The following ZPBP variants were observed in gnomAD, a reference collection of about 807,000 sequenced individuals.
ZPBP encodes zona pellucida-binding protein 1.
ZPBP carries 26 observed loss-of-function variants against 44.8 expected under a neutral mutation model. That is an observed-to-expected ratio of 0.58 (90% CI 0.43 to 0.81). The LOEUF is 0.81. ZPBP is among the 30% of genes least tolerant of loss of function. ZPBP has a pLI of 0.00. For missense variants in ZPBP, 409 were observed against 434.0 expected, an observed-to-expected ratio of 0.94 and a Z score of 0.51; for synonymous variants, 174 against 153.2, an observed-to-expected ratio of 1.14 and a Z score of -1.00.
Position 50,093,235 on chromosome 7 carries a change from T to G in ZPBP, c.-41A>C. ...GCCTGCCCACCGTCCGCGCGGAAGG[T>G]CGTTAGGCAACGCGCGCCCACCTGC... On this transcript the variant is annotated 5_prime_UTR_variant, in exon 1 of 8. Transcript: ENST00000046087. 1 of 1,486,500 alleles carries G rather than the reference T, an allele frequency of 6.7e-7. No individual in the cohort carries two copies. The highest frequency in any genetic ancestry group is 1.3e-5 in the South Asian group (1 of 76,764). 92.1% of individuals were successfully genotyped at this position (1,486,500 alleles called of 1,614,324 possible).
intron 7 of ZPBP, among the ~76,000 whole-genome samples, chr7:49,974,029 A>G (rs1275826302): frequency 6.6e-6 from 1 of 152,212 alleles, no homozygotes; most frequent in African/African-American, 2.4e-5. Context: ...TAACTAAAAT[A>G]AGCCAGACAC....
chr7:50,024,735 T>C (rs1799247026), intron 5 of ZPBP, among the ~76,000 whole-genome samples: 1 of 151,852 alleles, frequency 6.6e-6, no homozygotes, highest in African/African-American at 2.4e-5. Context: ...GATGAATAAA[T>C]CTAGAGATCT....
intron 4 of ZPBP, among the ~76,000 whole-genome samples, chr7:50,038,360 C>T (rs533005542): frequency 1.1e-4 from 16 of 152,316 alleles, no homozygotes; most frequent in Middle Eastern, 3.4e-3. Context: ...AGCTAAACTA[C>T]AAGTTGGCCA....
At chr7:50,081,726 C>A in intron 3 of ZPBP, 48 bp downstream of exon 3, 1 of 1,600,002 alleles carries the variant, frequency 6.2e-7, no homozygotes, top group South Asian at 1.1e-5. Context: ...GTGTTGCACA[C>A]AATTCAGATA....
intron 1 of ZPBP, among the ~76,000 whole-genome samples, chr7:49,907,041 G>A (rs141141480): frequency 1.7e-3 from 256 of 152,288 alleles, no homozygotes; most frequent in Non-Finnish European, 1.7e-3. Flanking sequence ...GGCACACAGT[G>A]GAGCCATAAA....
At chr7:49,917,806 A>G (rs1430636550) in intron 1 of ZPBP, 1 of 151,296 alleles carries the variant, frequency 6.6e-6, no homozygotes, top group Non-Finnish European at 1.5e-5. Flanking sequence ...TCTGTAATTT[A>G]TGTTTTAGAA....
chr7:49,990,558 G>C (rs1019200101), intron 6 of ZPBP, among the ~76,000 whole-genome samples: 3 of 151,758 alleles, frequency 2.0e-5, no homozygotes, highest in Middle Eastern at 3.2e-3. Context: ...TGCAACCCTG[G>C]GACTCCTTTG....
At chr7:49,851,324 T>G (rs529885441) in intron 2 of ZPBP, among the ~76,000 whole-genome samples, 1 of 152,298 alleles carries the variant, frequency 6.6e-6, no homozygotes, top group African/African-American at 2.4e-5. Flanking sequence ...CTTTTCCAAA[T>G]AAGGCCTCAT....
chr7:50,073,914 C>T (rs1186235701), intron 3 of ZPBP, among the ~76,000 whole-genome samples: 5 of 151,940 alleles, frequency 3.3e-5, no homozygotes, highest in African/African-American at 4.8e-5. Context: ...GGGAGTACTT[C>T]AGTTAGAAAG....
At chr7:49,950,700 T>C (rs1431103552) in intron 7 of ZPBP, among the ~76,000 whole-genome samples, 2 of 151,736 alleles carry the variant, frequency 1.3e-5, no homozygotes, top group East Asian at 3.8e-4. Flanking sequence ...TATGAAATTA[T>C]TGAAATAAAA....
At chr7:49,909,736 T>G (rs1047022978) in intron 1 of ZPBP, among the ~76,000 whole-genome samples, 1 of 152,036 alleles carries the variant, frequency 6.6e-6, no homozygotes, top group Admixed American at 6.6e-5. Context: ...GATGAATGAT[T>G]GTTGGGTTCT....
intron 2 of ZPBP, among the ~76,000 whole-genome samples, chr7:49,871,874 TATA>T (rs148747347): frequency 0.028 from 4,076 of 148,102 alleles, 171 homozygotes; most frequent in South Asian, 0.12. Context: ...TATGTGCATA[TATA>T]ATGTTTTTTG....
At chr7:49,966,823 T>C (rs1355433813) in intron 7 of ZPBP, among the ~76,000 whole-genome samples, 1 of 151,970 alleles carries the variant, frequency 6.6e-6, no homozygotes, top group Non-Finnish European at 1.5e-5. Context: ...ACAATAGAAA[T>C]GGGGTTATGT....
intron 6 of ZPBP, among the ~76,000 whole-genome samples, chr7:49,990,265 C>T (rs1326650437): frequency 6.6e-6 from 1 of 152,194 alleles, no homozygotes; most frequent in Non-Finnish European, 1.5e-5. Flanking sequence ...CTACTGACAG[C>T]AGAGGGGATA....
chr7:50,068,672 C>T (rs1157595018), intron 3 of ZPBP, among the ~76,000 whole-genome samples: 3 of 152,134 alleles, frequency 2.0e-5, no homozygotes, highest in Admixed American at 6.5e-5. Context: ...CTTCTGATCT[C>T]GGTTAATTTA....
chr7:49,981,537 T>TAA (rs1197244023), intron 7 of ZPBP, among the ~76,000 whole-genome samples: 4 of 90,438 alleles, frequency 4.4e-5, no homozygotes, highest in African/African-American at 1.3e-4. Context: ...TATATTATAA[T>TAA]TTTATATAAT....
intron 7 of ZPBP, among the ~76,000 whole-genome samples, chr7:49,967,642 G>A (rs1796115373): frequency 6.6e-6 from 1 of 152,142 alleles, no homozygotes; most frequent in African/African-American, 2.4e-5. Context: ...CGCCTCCCGG[G>A]TTCAAGCAGT....
chr7:50,021,294 C>G (rs959676), intron 5 of ZPBP, among the ~76,000 whole-genome samples: 39,735 of 151,818 alleles, frequency 0.26, 6,448 homozygotes, highest in Non-Finnish European at 0.37. Flanking sequence ...GAAAATGATG[C>G]CTTCACAAAT....
chr7:49,992,317 C>T (rs548402037), intron 6 of ZPBP, among the ~76,000 whole-genome samples: 1 of 151,892 alleles, frequency 6.6e-6, no homozygotes, highest in East Asian at 1.9e-4. Context: ...ACATAACATA[C>T]AAAATGATTT....
Sources: gnomAD v4.1 joint callset for allele counts (sites outside exome capture counted in the v4.1 genomes callset) on GRCh38, gnomAD v4.1.1 for gene constraint, MANE v1.5 for transcripts, NCBI Gene and HGNC (gene_info 2026-07-23, HGNC 2026-07-21) for gene names.